The following ZNF407 variants were observed in gnomAD, a reference collection of about 807,000 sequenced individuals.
ZNF407 encodes zinc finger protein 407.
Under a neutral mutation model 131.2 loss-of-function variants are expected in ZNF407, and 17 were observed. That is an observed-to-expected ratio of 0.13 (90% CI 0.09 to 0.19). The LOEUF is 0.19. ZNF407 is among the 10% of genes least tolerant of loss of function. ZNF407 has a pLI of 1.00. For missense variants in ZNF407, 2,681 were observed against 2,830.6 expected (o/e 0.95, Z 1.20); for synonymous variants, 1,156 against 1,062.0 (o/e 1.09, Z -1.72).
chr18:74,819,721 G>A (rs1970314588), intron 4 of ZNF407, among the ~76,000 whole-genome samples: 1 of 152,174 alleles, frequency 6.6e-6, no homozygotes, highest in Non-Finnish European at 1.5e-5. Flanking sequence ...GAAACGTGTA[G>A]GTGGTCTTGG....
intron 3 of ZNF407, among the ~76,000 whole-genome samples, chr18:74,755,954 C>T (rs1395752795): frequency 1.7e-5 from 2 of 116,948 alleles, no homozygotes; most frequent in Non-Finnish European, 3.3e-5. Context: ...AGTGCAGTGG[C>T]CCTATCTCAG....
chr18:74,768,905 A>G (rs890221457), intron 3 of ZNF407, among the ~76,000 whole-genome samples: 5 of 152,124 alleles, frequency 3.3e-5, no homozygotes, highest in African/African-American at 1.2e-4. Context: ...AATGATATTT[A>G]TAGAGTCCTG....
chr18:74,982,080 T>A (rs1032666434), intron 8 of ZNF407, among the ~76,000 whole-genome samples: 1 of 152,236 alleles, frequency 6.6e-6, no homozygotes, highest in Non-Finnish European at 1.5e-5. Flanking sequence ...GAGCTACCAA[T>A]ACAGCAGGAC....
intron 4 of ZNF407, among the ~76,000 whole-genome samples, chr18:74,874,009 C>T (rs1037645813): frequency 2.0e-5 from 3 of 152,146 alleles, no homozygotes; most frequent in South Asian, 2.1e-4. Context: ...CCAAGAGAAA[C>T]ATCTAGTGAA....
chr18:74,703,522 A>T lies in ZNF407; in HGVS notation c.4802+62400A>T, dbSNP rs1285243927. On this transcript the variant is annotated intron_variant, in intron 3 of 8. Coordinates refer to ENST00000299687, the MANE Select transcript of ZNF407 (RefSeq NM_017757.3). This position sits in a 1 kb window ranked among gnomAD's most constrained non-coding sequence, Gnocchi z 4.1. ...GCTGGGATTACAGGTATACACCACCACACCCAGCTAATTTTGTATTTTTAG... is the reference window on the plus strand; with the variant it reads ...GCTGGGATTACAGGTATACACCACCTCACCCAGCTAATTTTGTATTTTTAG... 6.6e-6 allele frequency among the ~76,000 whole-genome samples: 1 copy of T among 152,076 alleles called. No homozygotes were observed. The highest frequency in any genetic ancestry group is 1.5e-5 in the Non-Finnish European group (1 of 68,012).
intron 4 of ZNF407, among the ~76,000 whole-genome samples, chr18:74,872,176 C>T (rs944439363): frequency 9.5e-5 from 14 of 146,714 alleles, no homozygotes; most frequent in African/African-American, 3.7e-4. Context: ...ATCCGCCCCG[C>T]CCCCCTCCAC....
intron 8 of ZNF407, among the ~76,000 whole-genome samples, chr18:74,922,971 G>A (rs1440504638): frequency 1.3e-5 from 2 of 152,170 alleles, no homozygotes; most frequent in East Asian, 1.9e-4. Flanking sequence ...CAGAATGTGT[G>A]TGCCATCTAA....
chr18:75,059,013 C>T (rs994553670), intron 8 of ZNF407, among the ~76,000 whole-genome samples: 9 of 152,150 alleles, frequency 5.9e-5, no homozygotes, highest in South Asian at 2.1e-4. Flanking sequence ...AAGATGGACC[C>T]GCGCTCGCAT....
At chr18:74,906,381 C>T (rs759887210) in intron 7 of ZNF407, among the ~76,000 whole-genome samples, 7 of 152,338 alleles carry the variant, frequency 4.6e-5, no homozygotes, top group East Asian at 3.9e-4. Context: ...GATCCAGGCA[C>T]GTAAGCACAT....
intron 3 of ZNF407, among the ~76,000 whole-genome samples, chr18:74,679,998 A>G (rs542375196): frequency 9.2e-5 from 14 of 152,248 alleles, no homozygotes; most frequent in Non-Finnish European, 1.3e-4. Flanking sequence ...TACTTTTCAT[A>G]TTACGTGTAC....
chr18:75,040,524 C>CT (rs1193708988), intron 8 of ZNF407, among the ~76,000 whole-genome samples: 1 of 152,104 alleles, frequency 6.6e-6, no homozygotes, highest in Non-Finnish European at 1.5e-5. Context: ...TACAGTACAT[C>CT]TTTATGTATT....
intron 2 of ZNF407, among the ~76,000 whole-genome samples, chr18:74,638,267 G>A (rs1050436320): frequency 6.6e-6 from 1 of 152,198 alleles, no homozygotes; most frequent in Non-Finnish European, 1.5e-5. Flanking sequence ...TAGACTTTAA[G>A]CACAGTGACC....
At chr18:74,739,122 A>C (rs1052135080) in intron 3 of ZNF407, among the ~76,000 whole-genome samples, 2 of 151,806 alleles carry the variant, frequency 1.3e-5, no homozygotes, top group African/African-American at 4.8e-5. Flanking sequence ...CACAGAATTT[A>C]TCTCCCTAAA....
At chr18:74,895,073 C>CCT (rs1432533859) in intron 7 of ZNF407, among the ~76,000 whole-genome samples, 1 of 151,952 alleles carries the variant, frequency 6.6e-6, no homozygotes, top group Non-Finnish European at 1.5e-5. Flanking sequence ...GCAGTCCCTG[C>CCT]CTCATATTGA....
intron 8 of ZNF407, among the ~76,000 whole-genome samples, chr18:75,042,081 A>AC (rs1306722688): frequency 4.5e-4 from 67 of 148,996 alleles, no homozygotes; most frequent in African/African-American, 1.6e-3. Context: ...TTTCTTATTA[A>AC]CTAGAGTCAG....
In ZNF407 at chr18:74,633,718, C is replaced by T. The variant is rs1404198323; in HGVS notation, c.2699C>T (p.Thr900Ile). 1 of 1,613,852 alleles carries T rather than the reference C, an allele frequency of 6.2e-7. No individual in the cohort carries two copies. The highest frequency in any genetic ancestry group is 1.7e-5 in the Admixed American group (1 of 60,014). The change falls in exon 2 of 9, where the codon ACC (threonine) becomes ATC (isoleucine). Residue 900 changes from threonine (T) to isoleucine (I), a missense_variant. Physicochemically the swap from Thr to Ile is moderately conservative, Grantham distance 89 (BLOSUM62 -1). Around this residue, in one of 6 missense-constraint regions of ZNF407, gnomAD observed 1,789 missense variants for 1,748.7 expected, o/e 1.02. Transcript: ENST00000299687. ...TKGDMERHCA[T>I]KKHKGRVEIE... ...GGAGATATGGAACGTCATTGTGCCACCAAGAAACATAAAGGACGGGTAGAA... is the reference window on the plus strand; with the variant it reads ...GGAGATATGGAACGTCATTGTGCCATCAAGAAACATAAAGGACGGGTAGAA...
intron 1 of ZNF407, among the ~76,000 whole-genome samples, chr18:74,625,801 T>G (rs1294476951): frequency 6.6e-6 from 1 of 152,224 alleles, no homozygotes; most frequent in Non-Finnish European, 1.5e-5. Context: ...AATAAGGCAT[T>G]CATTCATTCT....
intron 3 of ZNF407, among the ~76,000 whole-genome samples, chr18:74,680,366 G>A (rs1278623): frequency 0.02 from 3,049 of 149,122 alleles, 112 homozygotes; most frequent in African/African-American, 0.072. Context: ...CCATGATTGC[G>A]CCACTGCACT....
chr18:74,870,012 G>A (rs898612775), intron 4 of ZNF407, among the ~76,000 whole-genome samples: 2 of 152,162 alleles, frequency 1.3e-5, no homozygotes, highest in African/African-American at 4.8e-5. Flanking sequence ...TCATAGCAGA[G>A]ATTTTGAAAG....
Sources: gnomAD v4.1 joint callset for allele counts (sites outside exome capture counted in the v4.1 genomes callset) on GRCh38, gnomAD v4.1.1 for gene constraint, gnomAD v4.1.1 regional missense constraint, Gnocchi (gnomAD v3.1) non-coding constraint, MANE v1.5 for transcripts, NCBI Gene and HGNC (gene_info 2026-07-23, HGNC 2026-07-21) for gene names.